RSRP1: variants seen among roughly 807,000 people sequenced by gnomAD.
RSRP1 encodes the protein arginine/serine-rich protein 1.
Under a neutral mutation model 33.0 loss-of-function variants are expected in RSRP1, and 37 were observed. The observed-to-expected ratio is 1.12, with a 90% confidence interval of 0.86 to 1.48. The LOEUF (loss-of-function observed/expected upper bound fraction) is 1.48. RSRP1 is among the 40% of genes most tolerant of loss of function. The pLI, the probability that RSRP1 is intolerant of heterozygous loss-of-function variation, is 0.00. For synonymous variants in RSRP1, 167 were observed against 158.7 expected, an observed-to-expected ratio of 1.05 and a Z score of -0.40; for missense variants, 402 against 385.3, an observed-to-expected ratio of 1.04 and a Z score of -0.36.
At position 25,257,444 on chromosome 1, in the gene RSRP1, G is replaced by A. The variant is rs954598807; in HGVS notation, c.-66-10415C>T. Among the ~76,000 whole-genome samples the A allele has an allele frequency of 6.6e-5, 10 of 152,222 alleles. No homozygotes were observed. In the East Asian group the frequency reaches 1.2e-3, roughly 18 times the overall value. ...ATCTCAAATAGGTCTGAAGGGAACA[G>A]GCAGAGGGAAAATAATATTTTAGAA... On this transcript the variant is annotated intron_variant, in intron 1 of 1. Transcript: ENST00000561867.
At position 25,300,231 on chromosome 1, in the gene RSRP1, A is replaced by G. The variant is rs1643279534; in HGVS notation, c.-67+37747T>C. ...CCTTGGTCAAAAGCATATAAGAGCT[A>G]CTGATAGGCCGGGTGTGGTGGCTCA... On this transcript the variant is annotated intron_variant, in intron 1 of 1. Coordinates refer to the RSRP1 transcript ENST00000561867. Among the ~76,000 whole-genome samples, 2 of 131,342 alleles carry G rather than the reference A, an allele frequency of 1.5e-5. 1 individual carries two copies. Among genetic ancestry groups the G allele is most frequent in the African/African-American group, 5.2e-5 (2 of 38,146 alleles). The allele number at this position is 131,342 out of a possible 152,430, so 86.2% of individuals were successfully genotyped here. A position where few individuals can be genotyped will look rare whatever the true frequency, so the allele number is the denominator to read the frequency against.
chr1:25,250,006 G>A (rs74060754), upstream of RSRP1, among the ~76,000 whole-genome samples: 1,880 of 152,262 alleles, frequency 0.012, 34 homozygotes, highest in African/African-American at 0.042. Context: ...GCCGGCAACC[G>A]GGAGACAGCT....
chr1:25,300,628 G>A (rs1405168241), intron 1 of RSRP1, among the ~76,000 whole-genome samples: 4 of 130,686 alleles, frequency 3.1e-5, no homozygotes, highest in African/African-American at 1.1e-4. Flanking sequence ...TGGCAAACAC[G>A]GTGAAACCCC....
At chr1:25,257,206 T>C (rs748588024) in intron 1 of RSRP1, among the ~76,000 whole-genome samples, 3 of 152,236 alleles carry the variant, frequency 2.0e-5, no homozygotes, top group Non-Finnish European at 2.9e-5. Context: ...CCTCCAATTA[T>C]AGGTTATCCT....
chr1:25,307,852 G>A (rs1643933986), intron 1 of RSRP1: 1 of 1,292,878 alleles, frequency 7.7e-7, no homozygotes, highest in African/African-American at 1.5e-5. Context: ...GAGGGGATGA[G>A]CTGTGTGAAG....
rs144969459 is a variant in RSRP1, at chr1:25,272,555, C to G, written c.-66-25526G>C. On this transcript the variant is annotated intron_variant, in intron 1 of 1. Transcript: ENST00000561867. The stretch of plus-strand genomic sequence containing the variant: ...CACAGAGACGGACACAGGATGAGCT[C>G]TAAGTACCCGCGGTCTGTCCGGCGC... 3,382 of 1,580,630 alleles carry G rather than the reference C, an allele frequency of 2.1e-3. 143 individuals are homozygous for G. Among genetic ancestry groups the G allele is most frequent in the Non-Finnish European group, 1.2e-3 (1,381 of 1,156,394 alleles).
chr1:25,284,789 G>T (rs1472396717), intron 1 of RSRP1: 2 of 1,377,172 alleles, frequency 1.5e-6, no homozygotes, highest in Non-Finnish European at 2.0e-6. Flanking sequence ...ATCACTTCTG[G>T]GTCATAGAGG....
At chr1:25,253,090 A>C (rs939821716) in intron 1 of RSRP1, 2 of 146,160 alleles carry the variant, frequency 1.4e-5, no homozygotes, top group Admixed American at 6.8e-5. Context: ...CTTTTACTCC[A>C]CAAGAAGGGG....
intron 1 of RSRP1, chr1:25,304,416 T>C (rs1643631896): frequency 7.8e-6 from 1 of 128,286 alleles, no homozygotes; most frequent in Non-Finnish European, 1.8e-5. Context: ...CTGGCCAACA[T>C]GGTGAAACCC....
chr1:25,318,998 A>G lies in RSRP1; in HGVS notation c.-67+18980T>C, dbSNP rs1346328246. 3.2e-4 allele frequency among the ~76,000 whole-genome samples: 43 copies of G among 133,044 alleles called. 5 individuals are homozygous for G. Among genetic ancestry groups the G allele is most frequent in the African/African-American group, 1.1e-3 (42 of 39,158 alleles). 87.3% of individuals were successfully genotyped at this position (133,044 alleles called of 152,430 possible). On this transcript the variant is annotated intron_variant, in intron 1 of 1. Coordinates refer to the RSRP1 transcript ENST00000561867. The stretch of plus-strand genomic sequence containing the variant: ...GCGTTAATTCCGTAAGTTAACGTTC[A>G]GTTCGTGGCAGCTGGCAATCCAACC...
chr1:25,308,687 G>A (rs1257258677), intron 1 of RSRP1, among the ~76,000 whole-genome samples: 1 of 129,664 alleles, frequency 7.7e-6, no homozygotes, highest in African/African-American at 2.7e-5. Flanking sequence ...GCACATCCCT[G>A]CAAGTCAACT....
intron 1 of RSRP1, among the ~76,000 whole-genome samples, chr1:25,321,431 T>G (rs1454499388): frequency 9.2e-6 from 1 of 108,624 alleles, no homozygotes; most frequent in African/African-American, 3.1e-5. Context: ...AAGGCTGAGG[T>G]GGGTGGATCA....
chr1:25,257,079 A>G (rs1639971667), intron 1 of RSRP1, among the ~76,000 whole-genome samples: 1 of 152,148 alleles, frequency 6.6e-6, no homozygotes, highest in Admixed American at 6.5e-5. Context: ...TTTATTCCTA[A>G]AGTGGAACAG....
At chr1:25,307,766 C>T in intron 1 of RSRP1, 1 of 1,304,920 alleles carries the variant, frequency 7.7e-7, no homozygotes, top group Non-Finnish European at 1.1e-6. Flanking sequence ...TCTTGGATGC[C>T]TTCTACAGAG....
intron 1 of RSRP1, among the ~76,000 whole-genome samples, chr1:25,297,456 C>A (rs1643048181): frequency 9.1e-6 from 1 of 109,980 alleles, no homozygotes. Context: ...AGATAATTTC[C>A]TATAGAAATC....
chr1:25,249,506 T>C (rs1427170268), upstream of RSRP1, among the ~76,000 whole-genome samples: 2 of 152,020 alleles, frequency 1.3e-5, no homozygotes, highest in East Asian at 1.9e-4. Flanking sequence ...GCCCAGCTAA[T>C]TTTTTTTGTA....
At chr1:25,289,768 C>T (rs1306505407) in intron 1 of RSRP1, among the ~76,000 whole-genome samples, 1 of 128,078 alleles carries the variant, frequency 7.8e-6, no homozygotes, top group East Asian at 2.0e-4. Context: ...CTTGTGATAT[C>T]ACAGATATTC....
chr1:25,243,610 A>C lies in RSRP1; in HGVS notation c.696T>G (p.Asp232Glu), dbSNP rs756915885. 1.2e-6 allele frequency: 2 copies of C among 1,613,846 alleles called. No individual in the cohort carries two copies. Among genetic ancestry groups the C allele is most frequent in the Non-Finnish European group, 1.7e-6 (2 of 1,179,834 alleles). ...GTTTTTCATTGGGATTTCGAGTTCC[A>C]TCTTCTGTTACCTTTTCCGACAGCT... is the stretch of plus-strand genomic sequence containing the variant. ...KPELSEKVTE[D>E]GTRNPNEKPT... The change falls in exon 4 of 5, where the codon GAT (aspartate) becomes GAG (glutamate). Residue 232 changes from aspartate to glutamate, a missense_variant. By Grantham distance (45) the Asp-to-Glu change is conservative. Transcript: ENST00000243189.
At chr1:25,330,049 AG>A (rs1644967182) in intron 1 of RSRP1, 1 of 132,784 alleles carries the variant, frequency 7.5e-6, no homozygotes, top group Non-Finnish European at 1.8e-5. Flanking sequence ...ATTGAGACCA[AG>A]GGGAGAACCT....
Sources: allele counts gnomAD v4.1 joint callset (sites outside exome capture counted in the v4.1 genomes callset), GRCh38; gene constraint gnomAD v4.1.1; transcripts MANE v1.5; gene names NCBI Gene and HGNC (gene_info 2026-07-23, HGNC 2026-07-21).